ARB2A: variants seen among roughly 807,000 people sequenced by gnomAD.
ARB2A encodes cotranscriptional regulator ARB2A.
chr5:94,009,234 AT>A, the ARB2A span, among the ~76,000 whole-genome samples: 1 of 152,116 alleles, frequency 6.6e-6, no homozygotes, highest in South Asian at 2.1e-4. Context: ...AGAAACAAGC[AT>A]TTACATACAA....
chr5:93,715,151 TAC>T, the ARB2A span, among the ~76,000 whole-genome samples: 4 of 152,176 alleles, frequency 2.6e-5, no homozygotes, highest in Non-Finnish European at 5.9e-5. Flanking sequence ...AATCTACAAA[TAC>T]ACTTTTTTTC....
chr5:93,682,093 T>C, the ARB2A span, among the ~76,000 whole-genome samples: 2 of 152,284 alleles, frequency 1.3e-5, no homozygotes, highest in South Asian at 2.1e-4. Flanking sequence ...TAATTCAAAA[T>C]GAGATTTTTA....
the ARB2A span, among the ~76,000 whole-genome samples, chr5:93,716,027 A>G: frequency 4.6e-5 from 7 of 152,142 alleles, no homozygotes; most frequent in Admixed American, 4.6e-4. Context: ...AACCATGGGA[A>G]CCCTCTCTGC....
the ARB2A span, among the ~76,000 whole-genome samples, chr5:93,713,871 TA>T: frequency 6.6e-6 from 1 of 152,078 alleles, no homozygotes; most frequent in Non-Finnish European, 1.5e-5. Flanking sequence ...CCTCATGAAA[TA>T]TAGGGAACTA....
chr5:94,056,780 T>G, the ARB2A span, among the ~76,000 whole-genome samples: 5 of 152,162 alleles, frequency 3.3e-5, no homozygotes, highest in Admixed American at 6.5e-5. Context: ...GCACCCCAAG[T>G]GTACATAGAT....
At chr5:93,947,978 T>C in the ARB2A span, among the ~76,000 whole-genome samples, 1 of 152,122 alleles carries the variant, frequency 6.6e-6, no homozygotes, top group Non-Finnish European at 1.5e-5. Context: ...AACATATGTG[T>C]GCATGTGTCC....
the ARB2A span, among the ~76,000 whole-genome samples, chr5:93,925,174 T>C: frequency 1.3e-5 from 2 of 152,130 alleles, no homozygotes; most frequent in Non-Finnish European, 2.9e-5. Context: ...TATCTATTGG[T>C]TATAAGAATG....
chr5:93,950,120 A>G, the ARB2A span, among the ~76,000 whole-genome samples: 1 of 152,140 alleles, frequency 6.6e-6, no homozygotes, highest in Non-Finnish European at 1.5e-5. Context: ...CTGCTGATGG[A>G]CACTTAGGTT....
the ARB2A span, among the ~76,000 whole-genome samples, chr5:93,829,472 T>A: frequency 6.6e-6 from 1 of 152,192 alleles, no homozygotes; most frequent in South Asian, 2.1e-4. Flanking sequence ...GATTAGGTAA[T>A]GTCTTCTAAC....
the ARB2A span, among the ~76,000 whole-genome samples, chr5:93,671,182 G>A: frequency 4.6e-5 from 7 of 152,206 alleles, no homozygotes; most frequent in South Asian, 2.1e-4. Flanking sequence ...TCTTAAAGAA[G>A]CCAGATTAGT....
At chr5:94,016,395 G>A in the ARB2A span, among the ~76,000 whole-genome samples, 2 of 152,200 alleles carry the variant, frequency 1.3e-5, no homozygotes, top group Non-Finnish European at 2.9e-5. Flanking sequence ...ACATGTTTGG[G>A]TTAATTTAGG....
At chr5:93,937,278 T>TG in the ARB2A span, among the ~76,000 whole-genome samples, 1 of 148,442 alleles carries the variant, frequency 6.7e-6, no homozygotes, top group African/African-American at 2.5e-5. Context: ...TCTGTGTGGG[T>TG]GGGGGGAGGA....
the ARB2A span, among the ~76,000 whole-genome samples, chr5:94,099,822 G>A: frequency 2.4e-4 from 37 of 151,832 alleles, no homozygotes; most frequent in East Asian, 2.7e-3. Context: ...TGAGAAACCC[G>A]CAGCCAACAT....
At chr5:93,889,689 C>T in the ARB2A span, among the ~76,000 whole-genome samples, 1 of 151,750 alleles carries the variant, frequency 6.6e-6, no homozygotes, top group African/African-American at 2.4e-5. Context: ...ATTTTATAAT[C>T]ACAAAATGCT....
chr5:94,045,120 A>G, the ARB2A span, among the ~76,000 whole-genome samples: 1 of 1,770 alleles, frequency 5.6e-4, no homozygotes, highest in Non-Finnish European at 1.6e-3. Flanking sequence ...TCCATCTCAA[A>G]AAAAAAAAAA....
the ARB2A span, among the ~76,000 whole-genome samples, chr5:94,106,846 C>T: frequency 8.5e-6 from 1 of 117,002 alleles, no homozygotes; most frequent in Non-Finnish European, 1.7e-5. Context: ...TGGAGCTTCA[C>T]ATTATCCTAT....
the ARB2A span, among the ~76,000 whole-genome samples, chr5:94,057,691 C>G: frequency 6.6e-6 from 1 of 152,178 alleles, no homozygotes; most frequent in Non-Finnish European, 1.5e-5. Flanking sequence ...TTTCCACTTT[C>G]CTTAAACAAC....
chr5:93,863,826 T>A, the ARB2A span: 1 of 152,134 alleles, frequency 6.6e-6, no homozygotes, highest in Non-Finnish European at 1.5e-5. Context: ...CATATCTTCA[T>A]AAATATATTT....
At chr5:93,966,663 C>G in the ARB2A span, among the ~76,000 whole-genome samples, 1 of 151,986 alleles carries the variant, frequency 6.6e-6, no homozygotes, top group South Asian at 2.1e-4. Flanking sequence ...GGCAATTCTC[C>G]GTGTTCAGCA....
Sources: gnomAD v4.1 joint callset for allele counts (sites outside exome capture counted in the v4.1 genomes callset) on GRCh38, gnomAD v4.1.1 for gene constraint, MANE v1.5 for transcripts, NCBI Gene and HGNC (gene_info 2026-07-23, HGNC 2026-07-21) for gene names.